Variants in TASP1 observed in about 807,000 individuals in gnomAD.
The protein encoded by TASP1 is threonine aspartase 1.
In TASP1, 16 loss-of-function variants were observed where a neutral mutation model predicts 56.6. The observed-to-expected ratio is 0.28, with a 90% CI of 0.19 to 0.43. The LOEUF is 0.43. Ranked by LOEUF, TASP1 falls within the 20% of genes least tolerant of loss-of-function variation. The pLI is 1.00. For missense variants in TASP1, 393 were observed against 511.6 expected (o/e 0.77, Z 2.24); for synonymous variants, 179 against 184.2 (o/e 0.97, Z 0.23).
At chr20:13,603,234 AAAAAAAG>A (rs1214543165) in intron 4 of TASP1, among the ~76,000 whole-genome samples, 2 of 151,808 alleles carry the variant, frequency 1.3e-5, no homozygotes, top group Non-Finnish European at 2.9e-5. Flanking sequence ...CCATCTCAAG[AAAAAAAG>A]AAAAAAGAAA....
intron 4 of TASP1, among the ~76,000 whole-genome samples, chr20:13,596,852 T>C (rs2047752350): frequency 6.6e-6 from 1 of 152,144 alleles, no homozygotes; most frequent in Admixed American, 6.6e-5. Context: ...AAAGAAGATA[T>C]GACCACCAAT....
chr20:13,420,451 C>T (rs1780882518), intron 12 of TASP1, among the ~76,000 whole-genome samples: 1 of 152,038 alleles, frequency 6.6e-6, no homozygotes, highest in African/African-American at 2.4e-5. Context: ...TTATCCCATC[C>T]CACAGTAAAA....
At chr20:13,124,375 A>G in the TASP1 span, among the ~76,000 whole-genome samples, 1 of 151,832 alleles carries the variant, frequency 6.6e-6, no homozygotes, top group East Asian at 1.9e-4. Context: ...GGGAGGGAGG[A>G]AGGAAGGAAG....
chr20:13,248,247 G>C, the TASP1 span, among the ~76,000 whole-genome samples: 4 of 152,052 alleles, frequency 2.6e-5, no homozygotes, highest in Non-Finnish European at 5.9e-5. Flanking sequence ...ATTTCTTGTT[G>C]CTCCACTTGA....
rs553868316 is a variant in TASP1, at chr20:13,404,648, T to C, written c.1170+12800A>G. 3.9e-5 allele frequency among the ~76,000 whole-genome samples: 6 copies of C among 152,248 alleles called. No homozygotes were observed. The East Asian group carries it at 9.6e-4, about 24-fold the overall frequency. ...AAATAAATTGCATTATTTAGGTAAA[T>C]AGGATGATTTTATGAGGTTTTCAGA... On this transcript the variant is annotated intron_variant, in intron 13 of 13. Transcript: ENST00000337743.
chr20:13,611,217 A>G (rs1194193608), intron 4 of TASP1, among the ~76,000 whole-genome samples: 1 of 152,230 alleles, frequency 6.6e-6, no homozygotes, highest in African/African-American at 2.4e-5. Flanking sequence ...ATCCTTTAGG[A>G]AGTTATCAGG....
intron 10 of TASP1, among the ~76,000 whole-genome samples, chr20:13,506,853 C>T (rs1366002582): frequency 6.7e-6 from 1 of 150,044 alleles, no homozygotes; most frequent in Non-Finnish European, 1.5e-5. Flanking sequence ...CAACACAGTA[C>T]TGCAAGTCTT....
intron 13 of TASP1, among the ~76,000 whole-genome samples, chr20:13,413,648 AC>A (rs1177969547): frequency 6.6e-6 from 1 of 152,160 alleles, no homozygotes; most frequent in Non-Finnish European, 1.5e-5. Context: ...TATTTTTTGA[AC>A]TGCATCATTT....
chr20:13,115,035 T>A, the TASP1 span, among the ~76,000 whole-genome samples: 1 of 152,344 alleles, frequency 6.6e-6, no homozygotes, highest in South Asian at 2.1e-4. Flanking sequence ...TACAGTCGTG[T>A]TTTAGTTGTT....
Position 13,465,177 on chromosome 20 carries a change from C to T in TASP1, c.985+18050G>A, listed in dbSNP as rs544186707. Among the ~76,000 whole-genome samples, 934 of 111,966 alleles carry T rather than the reference C, an allele frequency of 8.3e-3. 3 individuals carry two copies. The highest frequency in any genetic ancestry group is 0.013 in the Non-Finnish European group (741 of 55,996). The allele number at this position is 111,966 out of a possible 152,430, so 73.5% of individuals were successfully genotyped here. A position where few individuals can be genotyped will look rare whatever the true frequency, so the allele number is the denominator to read the frequency against. On this transcript the variant is annotated intron_variant, in intron 11 of 13. Transcript: ENST00000337743. ...CAGAGCAAGACCCCCTTTCTCTCTC[C>T]CAAAAAAAAAAAAAAAAAAAAAGGA... is the stretch of plus-strand genomic sequence containing the variant.
chr20:13,113,708 T>C, the TASP1 span, among the ~76,000 whole-genome samples: 9 of 152,330 alleles, frequency 5.9e-5, no homozygotes, highest in South Asian at 2.1e-4. Flanking sequence ...TGAGGTCATA[T>C]AAGCTAGTGT....
At chr20:13,365,061 T>C in the TASP1 span, among the ~76,000 whole-genome samples, 1 of 152,326 alleles carries the variant, frequency 6.6e-6, no homozygotes, top group East Asian at 1.9e-4. Context: ...TGATGGAAAA[T>C]TCAATTGGAC....
the TASP1 span, chr20:13,109,967 T>C: frequency 1.6e-6 from 1 of 615,946 alleles, no homozygotes; most frequent in Non-Finnish European, 2.8e-6. Context: ...CCTCTGTCTC[T>C]CTCTCCCTAA....
the TASP1 span, among the ~76,000 whole-genome samples, chr20:13,158,950 C>T: frequency 6.6e-6 from 1 of 152,198 alleles, no homozygotes; most frequent in Non-Finnish European, 1.5e-5. Context: ...AATACACCAG[C>T]AATCTCTTAA....
At chr20:13,466,649 G>C (rs2044270452) in intron 11 of TASP1, among the ~76,000 whole-genome samples, 1 of 152,178 alleles carries the variant, frequency 6.6e-6, no homozygotes, top group African/African-American at 2.4e-5. Context: ...GCTGAGGCAG[G>C]AGAACTGCTT....
chr20:13,587,094 C>T (rs1288762348), intron 5 of TASP1, among the ~76,000 whole-genome samples, 156 bp downstream of exon 5: 1 of 152,086 alleles, frequency 6.6e-6, no homozygotes, highest in Non-Finnish European at 1.5e-5. Flanking sequence ...CTACTTATAA[C>T]TAAGACTGTA....
chr20:13,587,490 A>G, intron 4 of TASP1, 120 bp from the exon 5 acceptor site: 2 of 712,442 alleles, frequency 2.8e-6, no homozygotes, highest in Non-Finnish European at 4.5e-6. Context: ...ACATAGTATG[A>G]TGCCAATACC....
chr20:13,195,185 A>C, the TASP1 span, among the ~76,000 whole-genome samples: 1 of 152,208 alleles, frequency 6.6e-6, no homozygotes, highest in Non-Finnish European at 1.5e-5. Context: ...CCAACTTAAC[A>C]ATATAAATAA....
chr20:13,558,420 A>G (rs1421117877), intron 8 of TASP1, among the ~76,000 whole-genome samples: 2 of 152,226 alleles, frequency 1.3e-5, no homozygotes, highest in East Asian at 3.8e-4. Flanking sequence ...CAGGAGCTGT[A>G]AGAACCAAAA....
Sources: gnomAD v4.1 joint callset for allele counts (sites outside exome capture counted in the v4.1 genomes callset) on GRCh38, gnomAD v4.1.1 for gene constraint, MANE v1.5 for transcripts, NCBI Gene and HGNC (gene_info 2026-07-23, HGNC 2026-07-21) for gene names.